RRP15: variants seen among roughly 807,000 people sequenced by gnomAD.
The protein encoded by RRP15 is ribosomal RNA processing 15 homolog.
In RRP15, 18 loss-of-function variants were observed where a neutral mutation model predicts 27.1. That is an observed-to-expected ratio of 0.66 (90% CI 0.46 to 0.98). RRP15 has a LOEUF of 0.98. Among genes scored for constraint, RRP15 ranks in the 50% least tolerant of loss-of-function variants. RRP15 has a pLI of 0.00. For synonymous variants in RRP15, 107 were observed against 109.4 expected, an observed-to-expected ratio of 0.98 and a Z score of 0.14; for missense variants, 359 against 337.8, an observed-to-expected ratio of 1.06 and a Z score of -0.49.
intron 1 of RRP15, among the ~76,000 whole-genome samples, chr1:218,300,391 T>C (rs1361682231): frequency 6.6e-6 from 1 of 152,218 alleles, no homozygotes; most frequent in East Asian, 1.9e-4. Flanking sequence ...TAATTTGTTA[T>C]TAATTTTTAC....
At chr1:218,323,126 G>C (rs1656214529) in intron 4 of RRP15, among the ~76,000 whole-genome samples, 1 of 152,198 alleles carries the variant, frequency 6.6e-6, no homozygotes. Context: ...CCCTGGCTCA[G>C]GGAGCTCCTA....
At chr1:218,286,195 C>T (rs989675616) in intron 1 of RRP15, among the ~76,000 whole-genome samples, 1 of 152,124 alleles carries the variant, frequency 6.6e-6, no homozygotes, top group Admixed American at 6.5e-5. Flanking sequence ...TAATTATGCC[C>T]GCTGTCTGTT....
chr1:218,322,512 C>CTT (rs988276539), intron 4 of RRP15, among the ~76,000 whole-genome samples: 2 of 139,644 alleles, frequency 1.4e-5, no homozygotes, highest in African/African-American at 2.6e-5. Flanking sequence ...TTTAGGTGTA[C>CTT]TTTTTTTTTT....
intron 1 of RRP15, among the ~76,000 whole-genome samples, chr1:218,294,935 G>A (rs1248324126): frequency 6.6e-6 from 1 of 152,076 alleles, no homozygotes; most frequent in Non-Finnish European, 1.5e-5. Flanking sequence ...TATCACAGAA[G>A]GTAAAGTGCT....
At chr1:218,297,035 T>C (rs1317185108) in intron 1 of RRP15, among the ~76,000 whole-genome samples, 1 of 152,226 alleles carries the variant, frequency 6.6e-6, no homozygotes, top group African/African-American at 2.4e-5. Context: ...AGGTCTGTGC[T>C]AAGCGCTTTT....
intron 1 of RRP15, among the ~76,000 whole-genome samples, chr1:218,300,036 A>G (rs1259639493): frequency 6.6e-6 from 1 of 151,968 alleles, no homozygotes; most frequent in Non-Finnish European, 1.5e-5. Flanking sequence ...TATTAACTAT[A>G]TTTGTATGTT....
At position 218,331,019 on chromosome 1, in the gene RRP15, G is replaced by T; in HGVS notation, c.777G>T (p.Met259Ile). The part of the protein sequence containing the change: ...LRDDFMMGAS[M>I]KDWDKESDGP... ...ATGATTTCATGATGGGAGCATCTATGAAAGACTGGGACAAGGAAAGTGATG... is the reference window on the plus strand; with the variant it reads ...ATGATTTCATGATGGGAGCATCTATTAAAGACTGGGACAAGGAAAGTGATG... Residue 259 changes from methionine to isoleucine, a missense_variant, in exon 5 of 5, where the codon ATG becomes ATT. Met to Ile is a conservative substitution (Grantham distance 10, BLOSUM62 1). Transcript: ENST00000366932. 1 of 1,613,820 alleles carries T rather than the reference G, an allele frequency of 6.2e-7. No homozygotes were observed.
intron 4 of RRP15, among the ~76,000 whole-genome samples, chr1:218,324,413 T>C (rs1201871178): frequency 6.6e-6 from 1 of 152,092 alleles, no homozygotes; most frequent in Non-Finnish European, 1.5e-5. Flanking sequence ...TGGGAGTGGG[T>C]CCTGCCTGCC....
chr1:218,307,079 A>G (rs967982608), intron 3 of RRP15, among the ~76,000 whole-genome samples: 7 of 152,246 alleles, frequency 4.6e-5, no homozygotes, highest in African/African-American at 1.4e-4. Context: ...TTCATAACAC[A>G]AGAGTTGCAG....
intron 1 of RRP15, among the ~76,000 whole-genome samples, chr1:218,290,976 G>A (rs536203073): frequency 2.7e-5 from 4 of 150,608 alleles, no homozygotes; most frequent in Admixed American, 6.6e-5. Flanking sequence ...AAAAAAAATG[G>A]AAAAAACTAG....
intron 1 of RRP15, among the ~76,000 whole-genome samples, chr1:218,296,656 A>G (rs901187788): frequency 6.6e-6 from 1 of 151,840 alleles, no homozygotes; most frequent in African/African-American, 2.4e-5. Context: ...AAAAAAAAAA[A>G]GGAAAAGAAA....
intron 3 of RRP15, among the ~76,000 whole-genome samples, chr1:218,306,069 C>T (rs1400871154): frequency 6.6e-6 from 1 of 152,002 alleles, no homozygotes; most frequent in Non-Finnish European, 1.5e-5. Context: ...GTGAGTGCCT[C>T]CTTAAAATTT....
chr1:218,302,085 A>T (rs1655818618), intron 1 of RRP15: 1 of 508,114 alleles, frequency 2.0e-6, no homozygotes, highest in African/African-American at 1.9e-5. Flanking sequence ...CATCCCCTGT[A>T]TATGTGGCTG....
intron 1 of RRP15, among the ~76,000 whole-genome samples, chr1:218,297,916 C>T (rs749097065): frequency 1.3e-5 from 2 of 152,104 alleles, no homozygotes; most frequent in African/African-American, 2.4e-5. Flanking sequence ...ATAAATCATG[C>T]TTTTATGAAA....
chr1:218,286,033 C>T (rs1009707743), intron 1 of RRP15, among the ~76,000 whole-genome samples: 2 of 152,156 alleles, frequency 1.3e-5, no homozygotes, highest in Non-Finnish European at 2.9e-5. Flanking sequence ...CATGCTGTGT[C>T]TGTTGCTCCT....
rs544177293 is a variant in RRP15, at chr1:218,318,388, C to CT, written c.705+10765dup. Among the ~76,000 whole-genome samples the CT allele has an allele frequency of 8.0e-4, 121 of 151,342 alleles. 1 individual carries two copies. The East Asian group carries it at 0.017, about 21-fold the overall frequency. On this transcript the variant is annotated intron_variant, in intron 4 of 4. Transcript: ENST00000366932. ...CTTTTGTTCTAGACCAATCCCTTGT[C>CT]TTTTTTTTTCTTTTAAAGACTAGCT...
intron 1 of RRP15, 67 bp downstream of exon 1, chr1:218,285,522 G>C: frequency 1.3e-6 from 2 of 1,595,828 alleles, no homozygotes; most frequent in South Asian, 2.2e-5. Context: ...GTCAAGCAGC[G>C]CTTGCGACTT....
intron 1 of RRP15, among the ~76,000 whole-genome samples, chr1:218,286,375 C>G (rs1655549310): frequency 6.6e-6 from 1 of 152,084 alleles, no homozygotes; most frequent in African/African-American, 2.4e-5. Flanking sequence ...GCTCCCACAC[C>G]ATGGTTTCTT....
chr1:218,300,434 G>A (rs3766755), intron 1 of RRP15, among the ~76,000 whole-genome samples: 4,468 of 151,504 alleles, frequency 0.029, 88 homozygotes, highest in East Asian at 0.073. Context: ...ATCATTTTTT[G>A]TTTCATGAAT....
Sources: allele counts gnomAD v4.1 joint callset (sites outside exome capture counted in the v4.1 genomes callset), GRCh38; gene constraint gnomAD v4.1.1; transcripts MANE v1.5; gene names NCBI Gene and HGNC (gene_info 2026-07-23, HGNC 2026-07-21).